Variants in SKIL observed in about 807,000 individuals in gnomAD.
SKIL encodes the protein SKI like proto-oncogene.
A neutral mutation model predicts 69.6 loss-of-function variants in SKIL; 20 were observed. That is an observed-to-expected ratio of 0.29 (90% confidence interval 0.20 to 0.42). The LOEUF (loss-of-function observed/expected upper bound fraction) is 0.42, where lower values mean the gene tolerates loss of function less well. SKIL is among the 10% of genes least tolerant of loss of function. The pLI is 1.00. For missense variants in SKIL, 745 were observed against 783.1 expected (o/e 0.95, Z 0.58); for synonymous variants, 310 against 279.9 (o/e 1.11, Z -1.08).
chr3:170,362,796 C>G lies in SKIL; in HGVS notation c.1098+1367C>G, dbSNP rs371371345. 6.7e-4 allele frequency among the ~76,000 whole-genome samples: 100 copies of G among 148,972 alleles called. 1 individual carries two copies. The highest frequency in any genetic ancestry group is 2.4e-3 in the African/African-American group (96 of 40,286). On this transcript the variant is annotated intron_variant, in intron 2 of 6. Transcript: ENST00000259119. ...CGCCACCACAGTCCATCCTGGGCGTCAGAGTAAGACTCCATTTCAAAAAAA... is the reference window on the plus strand; with the variant it reads ...CGCCACCACAGTCCATCCTGGGCGTGAGAGTAAGACTCCATTTCAAAAAAA...
chr3:170,372,458 G>C (rs1577421448), intron 2 of SKIL, among the ~76,000 whole-genome samples: 1 of 152,174 alleles, frequency 6.6e-6, no homozygotes, highest in African/African-American at 2.4e-5. Flanking sequence ...GCATTAATTT[G>C]ATCAATTCTA....
chr3:170,380,639 T>C (rs1421009431), intron 2 of SKIL, among the ~76,000 whole-genome samples: 3 of 149,806 alleles, frequency 2.0e-5, no homozygotes, highest in African/African-American at 5.0e-5. Context: ...CGAGACTCCA[T>C]CTCAAAAAAA....
rs1158960629 is a variant in SKIL, at chr3:170,360,233, G to A, written c.-99G>A. 16 of 1,171,046 alleles carry A rather than the reference G, an allele frequency of 1.4e-5. No homozygotes were observed. Among genetic ancestry groups the A allele is most frequent in the Non-Finnish European group, 1.5e-5 (13 of 842,692 alleles). 72.5% of individuals were successfully genotyped at this position (1,171,046 alleles called of 1,614,324 possible). ...CTTTGAAAGTTTGAGAGTAAGTTAC[G>A]ATAGGCATTTGTATCCATTCATTAC... is the stretch of plus-strand genomic sequence containing the variant. On this transcript the variant is annotated 5_prime_UTR_variant, in exon 2 of 7. Transcript: ENST00000259119.
At chr3:170,366,696 GAC>G (rs376902100) in intron 2 of SKIL, among the ~76,000 whole-genome samples, 1 of 147,578 alleles carries the variant, frequency 6.8e-6, no homozygotes, top group Non-Finnish European at 1.5e-5. Flanking sequence ...CACACACACA[GAC>G]ACACACACAC....
intron 2 of SKIL, among the ~76,000 whole-genome samples, chr3:170,375,912 A>T (rs1227539433): frequency 6.6e-6 from 1 of 152,110 alleles, no homozygotes; most frequent in Non-Finnish European, 1.5e-5. Context: ...AAAATCTGGA[A>T]ACAATTGATT....
intron 1 of SKIL, among the ~76,000 whole-genome samples, chr3:170,359,000 CCTAT>C (rs1736080794): frequency 6.6e-6 from 1 of 151,832 alleles, no homozygotes; most frequent in Non-Finnish European, 1.5e-5. Context: ...TATGTTAACT[CCTAT>C]CTGATTTTTT....
intron 4 of SKIL, among the ~76,000 whole-genome samples, chr3:170,386,947 A>G (rs963157222): frequency 1.3e-5 from 2 of 152,202 alleles, no homozygotes; most frequent in African/African-American, 4.8e-5. Context: ...AAAGCCTACA[A>G]TTCAGTGGTT....
At position 170,360,904 on chromosome 3, in the gene SKIL, C is replaced by A; in HGVS notation, c.573C>A (p.Tyr191Ter). Reference protein sequence around the residue: ...QQINTVCDELYIYCSRCTSDQ... With the variant: ...QQINTVCDEL ...TAAATACAGTGTGTGATGAACTGTA[C>A]ATATATTGTTCAAGGTGTACTTCAG... The change falls in exon 2 of 7, where the codon TAC (tyrosine) becomes TAA (stop). Residue 191 changes from tyrosine to a stop codon, truncating the protein, a stop_gained. Transcript: ENST00000259119. LOFTEE classifies it high-confidence loss of function. 1.2e-6 allele frequency: 2 copies of A among 1,613,974 alleles called. No homozygotes were observed. Among genetic ancestry groups the A allele is most frequent in the Non-Finnish European group, 1.7e-6 (2 of 1,179,850 alleles).
chr3:170,373,042 C>T lies in SKIL; in HGVS notation c.1099-8202C>T, dbSNP rs552426795. On this transcript the variant is annotated intron_variant, in intron 2 of 6. Transcript: ENST00000259119. ...TCACTCTGTCGCCCAGGCTGGAGTT[C>T]AGTGGCGTGATCTCGGCTCACAGCA... Among the ~76,000 whole-genome samples, 380 of 140,076 alleles carry T rather than the reference C, an allele frequency of 2.7e-3. 2 individuals are homozygous for T. Among genetic ancestry groups the T allele is most frequent in the Non-Finnish European group, 4.4e-3 (290 of 66,522 alleles). 91.9% of individuals were successfully genotyped at this position (140,076 alleles called of 152,430 possible).
At chr3:170,389,566 G>A (rs1247644550) in intron 4 of SKIL, among the ~76,000 whole-genome samples, 2 of 151,766 alleles carry the variant, frequency 1.3e-5, no homozygotes, top group Non-Finnish European at 2.9e-5. Flanking sequence ...CGCCCTTCTC[G>A]GCCTCCCAAA....
In SKIL at chr3:170,390,302, A is replaced by G. The variant is rs753811977; in HGVS notation, c.1509A>G (p.Lys503=). 2 of 1,613,970 alleles carry G rather than the reference A, an allele frequency of 1.2e-6. No homozygotes were observed. Among genetic ancestry groups the G allele is most frequent in the Non-Finnish European group, 1.7e-6 (2 of 1,179,816 alleles). Residue 503 remains lysine, a synonymous_variant, in exon 5 of 7, where the codon AAA becomes AAG. Coordinates refer to ENST00000259119, the MANE Select transcript of SKIL (RefSeq NM_005414.5). The part of the protein sequence containing the change: ...ATCNLVRDIN[K]VGIGLVAAAS... ...GCAACTTAGTCAGAGACATAAACAAAGTGGGAATTGGCCTTGTTGCTGCCG... is the reference window on the plus strand; with the variant it reads ...GCAACTTAGTCAGAGACATAAACAAGGTGGGAATTGGCCTTGTTGCTGCCG...
rs1345026869 is a variant in SKIL at position 170,394,213 on chromosome 3, G to T, written c.*1796G>T. ...GCAATCTCGGCTCACTGCAAGCTCT[G>T]CCTCCTGGGTTCAAGCCATTCTCCT... is the stretch of plus-strand genomic sequence containing the variant. On this transcript the variant is annotated 3_prime_UTR_variant, in exon 7 of 7. Transcript: ENST00000259119. The T allele has an allele frequency of 7.5e-6, 1 of 134,226 alleles. No homozygotes were observed. The highest frequency in any genetic ancestry group is 1.5e-5 in the Non-Finnish European group (1 of 65,880). 8.3% of individuals were successfully genotyped at this position (134,226 alleles called of 1,614,324 possible).
chr3:170,358,057 G>A (rs983924750), intron 1 of SKIL, among the ~76,000 whole-genome samples: 13 of 152,044 alleles, frequency 8.6e-5, no homozygotes, highest in African/African-American at 2.2e-4. Flanking sequence ...CGGGGACCCC[G>A]GAGACCCGGA....
chr3:170,358,736 T>G (rs745335841), intron 1 of SKIL: 1 of 152,242 alleles, frequency 6.6e-6, no homozygotes, highest in East Asian at 1.9e-4. Context: ...AAAGAGTCTT[T>G]TCTTTTTCCC....
At chr3:170,362,668 A>ATTT (rs1429526379) in intron 2 of SKIL, among the ~76,000 whole-genome samples, 2 of 151,580 alleles carry the variant, frequency 1.3e-5, no homozygotes, top group Non-Finnish European at 2.9e-5. Flanking sequence ...TACAAAAATT[A>ATTT]GCCAGGCATG....
At chr3:170,370,987 T>C (rs530997299) in intron 2 of SKIL, among the ~76,000 whole-genome samples, 1 of 152,158 alleles carries the variant, frequency 6.6e-6, no homozygotes, top group Admixed American at 6.5e-5. Context: ...ATAAAAATGA[T>C]TTAAGACTTC....
chr3:170,390,099 A>G (rs780264665), intron 4 of SKIL, 124 bp from the exon 5 acceptor site: 2 of 694,838 alleles, frequency 2.9e-6, no homozygotes, highest in Non-Finnish European at 2.4e-6. Flanking sequence ...ATTTATTCCT[A>G]TTTTATTTGT....
chr3:170,377,611 C>T (rs1270024269), intron 2 of SKIL, among the ~76,000 whole-genome samples: 10 of 140,166 alleles, frequency 7.1e-5, no homozygotes, highest in East Asian at 2.1e-4. Context: ...TGCAGTGGCA[C>T]GATCTCGGCT....
chr3:170,383,167 C>T (rs1305145004), intron 3 of SKIL, among the ~76,000 whole-genome samples: 1 of 152,128 alleles, frequency 6.6e-6, no homozygotes, highest in Non-Finnish European at 1.5e-5. Flanking sequence ...TTTTTTTCTA[C>T]TAGTGTAAAT....
Sources: allele counts gnomAD v4.1 joint callset (sites outside exome capture counted in the v4.1 genomes callset), GRCh38; gene constraint gnomAD v4.1.1; transcripts MANE v1.5; gene names NCBI Gene and HGNC (gene_info 2026-07-23, HGNC 2026-07-21).